GPATCH2L: variants seen among roughly 807,000 people sequenced by gnomAD.
GPATCH2L encodes G-patch domain containing 2 like.
In GPATCH2L, 31 loss-of-function variants were observed where a neutral mutation model predicts 57.4. The ratio of observed to expected loss-of-function variants is 0.54; its 90% CI spans 0.41 to 0.73. The LOEUF (loss-of-function observed/expected upper bound fraction) is 0.73. Ranked by LOEUF, GPATCH2L falls within the 30% of genes least tolerant of loss-of-function variation. GPATCH2L has a pLI of 0.00. For missense variants in GPATCH2L, 481 were observed against 599.9 expected (o/e 0.80, Z 2.07); for synonymous variants, 199 against 210.7 (o/e 0.94, Z 0.48).
At chr14:76,228,095 G>A (rs2040543797) in intron 1 of GPATCH2L, among the ~76,000 whole-genome samples, 1 of 152,204 alleles carries the variant, frequency 6.6e-6, no homozygotes, top group South Asian at 2.1e-4. Context: ...GCACTGATGA[G>A]GTTAAATGCT....
At chr14:76,180,433 A>AT (rs1322574793) in intron 7 of GPATCH2L, among the ~76,000 whole-genome samples, 1 of 152,236 alleles carries the variant, frequency 6.6e-6, no homozygotes, top group East Asian at 1.9e-4. Flanking sequence ...ACAAGGGCTG[A>AT]TACATAGTTG....
rs573443370 is a variant in GPATCH2L at position 76,154,481 on chromosome 14, C to G, written c.118C>G (p.Arg40Gly). 1 of 1,614,160 alleles carries G rather than the reference C, an allele frequency of 6.2e-7. No homozygotes were observed. Among genetic ancestry groups the G allele is most frequent in the Admixed American group, 1.7e-5 (1 of 60,026 alleles). Residue 40 changes from arginine to glycine, a missense_variant, in exon 2 of 10, where the codon CGG becomes GGG. Physicochemically the swap from Arg to Gly is moderately radical, Grantham distance 125. Around this residue, in one of 3 missense-constraint regions of GPATCH2L, gnomAD observed 208 missense variants for 272.4 expected, o/e 0.76. Transcript: ENST00000261530. This position sits in a 1 kb window ranked among gnomAD's most constrained non-coding sequence, Gnocchi z 4.4. ...CCCCCGACAGCAGAGGCGGCAGCTT[C>G]GGAAACGCCGAGGTCGGAAGCGTCG... is the stretch of plus-strand genomic sequence containing the variant. The part of the protein sequence containing the change: ...LSPRQQRRQL[R>G]KRRGRKRRSD...
intron 2 of GPATCH2L, among the ~76,000 whole-genome samples, chr14:76,233,265 A>G (rs543438947): frequency 1.3e-5 from 2 of 152,270 alleles, no homozygotes; most frequent in African/African-American, 4.8e-5. Flanking sequence ...TTTGTTTTCC[A>G]TTCCTCTCCA....
intron 6 of GPATCH2L, 61 bp downstream of exon 6, chr14:76,176,751 G>A: frequency 9.9e-7 from 1 of 1,008,588 alleles, no homozygotes; most frequent in Non-Finnish European, 1.6e-6. Flanking sequence ...AGGCAGAGGG[G>A]AGTTTTATGG....
intron 1 of GPATCH2L, among the ~76,000 whole-genome samples, chr14:76,222,176 A>G (rs1212342840): frequency 6.6e-6 from 1 of 152,164 alleles, no homozygotes; most frequent in East Asian, 1.9e-4. Context: ...CCAATATAAA[A>G]CCCCAGAAAA....
At chr14:76,181,295 C>T (rs902979644) in intron 8 of GPATCH2L, among the ~76,000 whole-genome samples, 4 of 152,256 alleles carry the variant, frequency 2.6e-5, no homozygotes, top group South Asian at 4.1e-4. Context: ...CCTTTCCTGC[C>T]GCTGAAACTT....
Position 76,210,286 on chromosome 14 carries a change from C to T in GPATCH2L, c.*8435C>T, listed in dbSNP as rs1313977983. 1 of 152,216 alleles carries T rather than the reference C, an allele frequency of 6.6e-6. No homozygotes were observed. The highest frequency in any genetic ancestry group is 1.5e-5 in the Non-Finnish European group (1 of 68,036). 9.4% of individuals were successfully genotyped at this position (152,216 alleles called of 1,614,324 possible). A position where few individuals can be genotyped will look rare whatever the true frequency, so the allele number is the denominator to read the frequency against. On this transcript the variant is annotated 3_prime_UTR_variant, in exon 10 of 10. Coordinates refer to ENST00000261530, the MANE Select transcript of GPATCH2L (RefSeq NM_017926.4). ...ACACTTACAGTTACAGACAAACTTGCTCGAGTCACATATCTATTAAGTGTC... is the reference window on the plus strand; with the variant it reads ...ACACTTACAGTTACAGACAAACTTGTTCGAGTCACATATCTATTAAGTGTC...
At chr14:76,175,563 C>T (rs1275387824) in intron 5 of GPATCH2L, 1 of 152,168 alleles carries the variant, frequency 6.6e-6, no homozygotes, top group African/African-American at 2.4e-5. Context: ...ACAAATAGCT[C>T]ATTTTTCACC....
In GPATCH2L at chr14:76,208,713, T is replaced by A. The variant is rs1297413134; in HGVS notation, c.*6862T>A. 2.0e-5 allele frequency: 3 copies of A among 152,508 alleles called. No individual in the cohort carries two copies. Among genetic ancestry groups the A allele is most frequent in the African/African-American group, 7.2e-5 (3 of 41,426 alleles). 9.4% of individuals were successfully genotyped at this position (152,508 alleles called of 1,614,324 possible). On this transcript the variant is annotated 3_prime_UTR_variant, in exon 10 of 10. Transcript: ENST00000261530. ...CTCCTGGCACATACAGCTTTGCATT[T>A]AAACATGTTCAGATACTCCTTCCTT... is the stretch of plus-strand genomic sequence containing the variant.
intron 1 of GPATCH2L, among the ~76,000 whole-genome samples, chr14:76,222,922 C>T (rs1018965610): frequency 1.2e-4 from 18 of 149,774 alleles, no homozygotes; most frequent in African/African-American, 4.0e-4. Flanking sequence ...CACCACTGCA[C>T]TCCAGCCTGG....
chr14:76,222,213 C>T (rs1187533619), intron 1 of GPATCH2L, among the ~76,000 whole-genome samples: 1 of 152,178 alleles, frequency 6.6e-6, no homozygotes, highest in Non-Finnish European at 1.5e-5. Context: ...AAACCCCAAA[C>T]CTTCATATTC....
downstream of GPATCH2L, among the ~76,000 whole-genome samples, chr14:76,214,759 A>G (rs902100013): frequency 7.2e-5 from 11 of 152,186 alleles, no homozygotes; most frequent in African/African-American, 2.4e-4. Context: ...CATTTATACC[A>G]TAGCAGTCAG....
chr14:76,227,461 G>C (rs1010123649), intron 1 of GPATCH2L, among the ~76,000 whole-genome samples: 1 of 152,154 alleles, frequency 6.6e-6, no homozygotes, highest in South Asian at 2.1e-4. Flanking sequence ...GTGACCAGCC[G>C]ATGGGGTAGA....
intron 3 of GPATCH2L, among the ~76,000 whole-genome samples, chr14:76,167,310 G>A (rs1235649225): frequency 6.6e-6 from 1 of 152,104 alleles, no homozygotes; most frequent in Admixed American, 6.5e-5. Flanking sequence ...ATATATAAGG[G>A]TATTTTAGAA....
rs1260494721 is a variant in GPATCH2L, at chr14:76,203,078, A to G, written c.*1227A>G. On this transcript the variant is annotated 3_prime_UTR_variant, in exon 10 of 10. Transcript: ENST00000261530. ...TCACATTGTAGAGGGACTCCCACTC[A>G]TGCATCTGCTTATTTTCTGTCTTAA... 1 of 152,160 alleles carries G rather than the reference A, an allele frequency of 6.6e-6. No individual in the cohort carries two copies. The highest frequency in any genetic ancestry group is 1.5e-5 in the Non-Finnish European group (1 of 68,042). The allele number at this position is 152,160 out of a possible 1,614,324, so 9.4% of individuals were successfully genotyped here.
At position 76,203,178 on chromosome 14, in the gene GPATCH2L, C is replaced by G. The variant is rs895572072; in HGVS notation, c.*1327C>G. Reference sequence around the variant, plus strand: ...CTGTTTCCCATACGAAGTGTAATGACGGGTTGCTTTTAAAATTATAGTCCT... The same window carrying G: ...CTGTTTCCCATACGAAGTGTAATGAGGGGTTGCTTTTAAAATTATAGTCCT... On this transcript the variant is annotated 3_prime_UTR_variant, in exon 10 of 10. Transcript: ENST00000261530. The G allele has an allele frequency of 6.6e-6, 1 of 152,102 alleles. No individual in the cohort carries two copies. The highest frequency in any genetic ancestry group is 1.5e-5 in the Non-Finnish European group (1 of 68,028). 9.4% of individuals were successfully genotyped at this position (152,102 alleles called of 1,614,324 possible). A position where few individuals can be genotyped will look rare whatever the true frequency, so the allele number is the denominator to read the frequency against.
chr14:76,159,628 G>A (rs1052694744), intron 2 of GPATCH2L, among the ~76,000 whole-genome samples: 9 of 151,980 alleles, frequency 5.9e-5, no homozygotes, highest in Non-Finnish European at 8.8e-5. Flanking sequence ...CGTAAATGAA[G>A]GTGTAGAAAA....
chr14:76,171,267 T>C (rs1410867300), intron 3 of GPATCH2L, among the ~76,000 whole-genome samples: 1 of 146,264 alleles, frequency 6.8e-6, no homozygotes, highest in Non-Finnish European at 1.5e-5. Flanking sequence ...ACCCAGTTTC[T>C]ACAGAGAATT....
intron 2 of GPATCH2L, among the ~76,000 whole-genome samples, chr14:76,164,048 G>A (rs1462009587): frequency 1.3e-5 from 2 of 152,054 alleles, no homozygotes; most frequent in South Asian, 2.1e-4. Flanking sequence ...CTGAAGGTCC[G>A]GCTGCCTTCT....
Sources: allele counts gnomAD v4.1 joint callset (sites outside exome capture counted in the v4.1 genomes callset), GRCh38; gene constraint gnomAD v4.1.1; regional missense constraint gnomAD v4.1.1; non-coding constraint Gnocchi (gnomAD v3.1); transcripts MANE v1.5; gene names NCBI Gene and HGNC (gene_info 2026-07-23, HGNC 2026-07-21).